The following BMP7 variants were observed in gnomAD, a reference collection of about 807,000 sequenced individuals.
BMP7 encodes bone morphogenetic protein 7.
In BMP7, 12 loss-of-function variants were observed where a neutral mutation model predicts 41.2. That is an observed-to-expected ratio of 0.29 (90% CI 0.19 to 0.47). The LOEUF (loss-of-function observed/expected upper bound fraction) is 0.47, where lower values mean the gene tolerates loss of function less well. BMP7 is among the 20% of genes least tolerant of loss of function. The pLI is 0.99. For missense variants in BMP7, 467 were observed against 606.0 expected (o/e 0.77, Z 2.41); for synonymous variants, 248 against 250.0 (o/e 0.99, Z 0.07).
intron 2 of BMP7, among the ~76,000 whole-genome samples, chr20:57,204,915 C>T (rs1028621828): frequency 6.6e-6 from 1 of 152,160 alleles, no homozygotes; most frequent in Admixed American, 6.5e-5. Flanking sequence ...AAGAGGTGGG[C>T]CCTTTAGGAG....
At chr20:57,177,570 A>G (rs1983960141) in intron 4 of BMP7, 1 of 151,960 alleles carries the variant, frequency 6.6e-6, no homozygotes, top group South Asian at 2.1e-4. Flanking sequence ...CTGGTCACAA[A>G]CTCCTGACCT....
At chr20:57,244,144 A>G (rs1325238536) in intron 1 of BMP7, 1 of 152,256 alleles carries the variant, frequency 6.6e-6, no homozygotes, top group Non-Finnish European at 1.5e-5. Flanking sequence ...AGCACAGGCC[A>G]CTGGGCCCCA....
chr20:57,213,937 C>T lies in BMP7; in HGVS notation c.612-11314G>A, dbSNP rs1004440032. On this transcript the variant is annotated intron_variant, in intron 2 of 6. Transcript: ENST00000395863. The surrounding 1 kb of genome is among the most constrained non-coding windows in gnomAD (Gnocchi z 4.4). ...AGATGCCAGCGCAAAGCCAGAGACT[C>T]AAGGTTCGCAGCTGGTTGGAGCAAA... 2.0e-5 allele frequency among the ~76,000 whole-genome samples: 3 copies of T among 152,216 alleles called. No homozygotes were observed. Among genetic ancestry groups the T allele is most frequent in the Admixed American group, 6.5e-5 (1 of 15,286 alleles).
chr20:57,186,884 T>C (rs559564300), intron 3 of BMP7, among the ~76,000 whole-genome samples: 117 of 152,352 alleles, frequency 7.7e-4, no homozygotes, highest in African/African-American at 2.6e-3. Context: ...TTGGCTTTCC[T>C]GCATTCTTGA....
chr20:57,239,517 T>C (rs1278716158), intron 1 of BMP7, among the ~76,000 whole-genome samples: 2 of 152,212 alleles, frequency 1.3e-5, no homozygotes, highest in Admixed American at 6.5e-5. Context: ...TCTACCATTC[T>C]GGGGTCTGGA....
At chr20:57,257,070 G>T (rs561946454) in intron 1 of BMP7, among the ~76,000 whole-genome samples, 5 of 152,150 alleles carry the variant, frequency 3.3e-5, no homozygotes, top group African/African-American at 1.2e-4. Context: ...ACATTCTGAG[G>T]ACCTCAGCCT....
chr20:57,246,976 G>A lies in BMP7; in HGVS notation c.419-18555C>T, dbSNP rs139448733. On this transcript the variant is annotated intron_variant, in intron 1 of 6. Transcript: ENST00000395863. Reference sequence around the variant, plus strand: ...TGCATTCCAGCCTGGGTGACAGAGCGAGACTCCATCTCAAAAAAAAACCAA... The same window carrying A: ...TGCATTCCAGCCTGGGTGACAGAGCAAGACTCCATCTCAAAAAAAAACCAA... Among the ~76,000 whole-genome samples the A allele has an allele frequency of 2.9e-3, 397 of 137,862 alleles. 1 individual carries two copies. Among genetic ancestry groups the A allele is most frequent in the African/African-American group, 0.011 (376 of 33,792 alleles). 90.4% of individuals were successfully genotyped at this position (137,862 alleles called of 152,430 possible).
At chr20:57,226,490 A>G (rs997724171) in intron 2 of BMP7, among the ~76,000 whole-genome samples, 3 of 152,244 alleles carry the variant, frequency 2.0e-5, no homozygotes, top group Non-Finnish European at 4.4e-5. Flanking sequence ...ACCATCCATC[A>G]TAGAACAGAG....
intron 2 of BMP7, among the ~76,000 whole-genome samples, chr20:57,222,792 G>A (rs770666622): frequency 5.5e-5 from 8 of 144,494 alleles, no homozygotes; most frequent in Non-Finnish European, 1.0e-4. Context: ...GCCAGGAGAC[G>A]AGGAAACAGG....
rs1381143550 is a variant in BMP7, at chr20:57,224,456, G to A, written c.611+3773C>T. On this transcript the variant is annotated intron_variant, in intron 2 of 6. Coordinates refer to ENST00000395863, the MANE Select transcript of BMP7 (RefSeq NM_001719.3). This position sits in a 1 kb window ranked among gnomAD's most constrained non-coding sequence, Gnocchi z 4.8. ...TACATGTGGGGCAGCGCTGTGGAGT[G>A]GGGCAAGCCTGACACATGCTCAAGG... 6.6e-6 allele frequency: 1 copy of A among 152,256 alleles called. No homozygotes were observed. The highest frequency in any genetic ancestry group is 1.5e-5 in the Non-Finnish European group (1 of 68,082). The allele number at this position is 152,256 out of a possible 1,614,324, so 9.4% of individuals were successfully genotyped here.
intron 3 of BMP7, among the ~76,000 whole-genome samples, chr20:57,195,867 C>A (rs1056576374): frequency 4.6e-5 from 7 of 152,164 alleles, no homozygotes; most frequent in African/African-American, 1.7e-4. Context: ...ATGCTCCTGA[C>A]CCCCAGCAGA....
chr20:57,206,889 C>A (rs1427899562), intron 2 of BMP7, among the ~76,000 whole-genome samples: 1 of 152,224 alleles, frequency 6.6e-6, no homozygotes, highest in African/African-American at 2.4e-5. Flanking sequence ...GCCCATGATT[C>A]TCCAGTCAAC....
At chr20:57,216,592 G>A (rs1408918015) in intron 2 of BMP7, among the ~76,000 whole-genome samples, 3 of 151,150 alleles carry the variant, frequency 2.0e-5, no homozygotes, top group South Asian at 4.2e-4. Context: ...TCTTGAGGGC[G>A]AGGGGCTGTC....
At chr20:57,232,074 C>T (rs965910354) in intron 1 of BMP7, among the ~76,000 whole-genome samples, 1 of 152,198 alleles carries the variant, frequency 6.6e-6, no homozygotes, top group East Asian at 1.9e-4. Flanking sequence ...ATCAGGTGAG[C>T]GGCTGAACTC....
chr20:57,237,577 T>A (rs1028787688), intron 1 of BMP7, among the ~76,000 whole-genome samples: 8 of 152,194 alleles, frequency 5.3e-5, no homozygotes, highest in African/African-American at 1.9e-4. Flanking sequence ...AGGCATGCAA[T>A]AAATTGGGAA....
At chr20:57,198,352 G>A (rs922870092) in intron 3 of BMP7, among the ~76,000 whole-genome samples, 2 of 151,938 alleles carry the variant, frequency 1.3e-5, no homozygotes, top group African/African-American at 4.8e-5. Context: ...TCCATGGGTG[G>A]GAAGCACAGC....
chr20:57,222,448 G>A (rs933513852), intron 2 of BMP7, among the ~76,000 whole-genome samples: 4 of 152,078 alleles, frequency 2.6e-5, no homozygotes, highest in Admixed American at 1.3e-4. Context: ...GCCCAGCTGG[G>A]TGGCTTTTTC....
chr20:57,193,991 C>G (rs1444849106), intron 3 of BMP7, among the ~76,000 whole-genome samples: 2 of 152,166 alleles, frequency 1.3e-5, no homozygotes, highest in South Asian at 4.1e-4. Flanking sequence ...TGCCCAGCCC[C>G]CTCGTGCCTG....
intron 2 of BMP7, among the ~76,000 whole-genome samples, chr20:57,203,904 T>C (rs1442191756): frequency 6.6e-6 from 1 of 152,216 alleles, no homozygotes; most frequent in Non-Finnish European, 1.5e-5. Flanking sequence ...ATGGAGCACT[T>C]ACCATATGCC....
Sources: allele counts gnomAD v4.1 joint callset (sites outside exome capture counted in the v4.1 genomes callset), GRCh38; gene constraint gnomAD v4.1.1; non-coding constraint Gnocchi (gnomAD v3.1); transcripts MANE v1.5; gene names NCBI Gene and HGNC (gene_info 2026-07-23, HGNC 2026-07-21).